The following C11orf65 variants were observed in gnomAD, a reference collection of about 807,000 sequenced individuals.
C11orf65 encodes the protein protein MFI.
Under a neutral mutation model 35.3 loss-of-function variants are expected in C11orf65, and 38 were observed. The ratio of observed to expected loss-of-function variants is 1.08; its 90% confidence interval spans 0.83 to 1.41. The LOEUF (loss-of-function observed/expected upper bound fraction) is 1.41, where lower values mean the gene tolerates loss of function less well. Among genes scored for constraint, C11orf65 ranks in the 40% most tolerant of loss-of-function variants. The probability of loss-of-function intolerance (pLI) is 0.00; values close to 1 mark genes in which losing one functional copy is unlikely to be tolerated. For missense variants in C11orf65, 370 were observed against 367.1 expected (o/e 1.01, Z -0.06); for synonymous variants, 105 against 114.4 (o/e 0.92, Z 0.53).
chr11:108,317,304 GT>G lies in C11orf65; in HGVS notation c.641-8234del, dbSNP rs939856120. 6 of 1,517,086 alleles carry G rather than the reference GT, an allele frequency of 4.0e-6. No homozygotes were observed. The South Asian group carries it at 5.7e-5, about 15-fold the overall frequency. 94.0% of individuals were successfully genotyped at this position (1,517,086 alleles called of 1,614,324 possible). A position where few individuals can be genotyped will look rare whatever the true frequency, so the allele number is the denominator to read the frequency against. On this transcript the variant is annotated intron_variant, in intron 6 of 6. Coordinates refer to the C11orf65 transcript ENST00000525729. Reference sequence around the variant, plus strand: ...GTCTAAGTTAATTTGTATCTTTGCTGTTTTTTTCTCTGGTTTTCTGTTGATA... The same window carrying G: ...GTCTAAGTTAATTTGTATCTTTGCTGTTTTTTCTCTGGTTTTCTGTTGATA...
At chr11:108,366,735 C>CATCT in intron 2 of C11orf65, 1 of 231,190 alleles carries the variant, frequency 4.3e-6, no homozygotes, top group Non-Finnish European at 8.6e-6. Context: ...ACTTCCTCCT[C>CATCT]ATCTCCTTGT....
At chr11:108,360,208 A>C (rs1486951566) in intron 2 of C11orf65, among the ~76,000 whole-genome samples, 7 of 150,456 alleles carry the variant, frequency 4.7e-5, no homozygotes, top group Non-Finnish European at 8.9e-5. Flanking sequence ...GAAATGGATA[A>C]ATTCCTCGAC....
At chr11:108,361,839 A>AT (rs2090802342) in intron 2 of C11orf65, among the ~76,000 whole-genome samples, 1 of 152,104 alleles carries the variant, frequency 6.6e-6, no homozygotes, top group Non-Finnish European at 1.5e-5. Flanking sequence ...TAATACCATA[A>AT]AAACCCTAGA....
chr11:108,383,248 G>A, intron 8 of C11orf65, 73 bp from the exon 9 acceptor site: 1 of 1,267,272 alleles, frequency 7.9e-7, no homozygotes, highest in Non-Finnish European at 1.1e-6. Context: ...CTACTGTGTT[G>A]TGGTCTGTTC....
chr11:108,373,425 G>A (rs977286891), intron 2 of C11orf65, among the ~76,000 whole-genome samples: 1 of 152,202 alleles, frequency 6.6e-6, no homozygotes, highest in Admixed American at 6.5e-5. Flanking sequence ...TCAGGAACAA[G>A]GCAAGGATGC....
chr11:108,312,094 T>G (rs2084212202), intron 6 of C11orf65, among the ~76,000 whole-genome samples: 1 of 152,182 alleles, frequency 6.6e-6, no homozygotes, highest in Admixed American at 6.5e-5. Flanking sequence ...GAATTTCAGG[T>G]GAAACCACTG....
intron 2 of C11orf65, among the ~76,000 whole-genome samples, chr11:108,357,025 C>G (rs1297226108): frequency 6.6e-6 from 1 of 152,210 alleles, no homozygotes; most frequent in African/African-American, 2.4e-5. Flanking sequence ...GCATTTCCAT[C>G]TGAGGTACCA....
chr11:108,447,640 T>C (rs2093282897), intron 2 of C11orf65, among the ~76,000 whole-genome samples: 1 of 151,628 alleles, frequency 6.6e-6, no homozygotes, highest in South Asian at 2.1e-4. Flanking sequence ...AAGCAGTGTG[T>C]AGAGGGAAAT....
chr11:108,427,847 T>TC (rs1370595355), intron 3 of C11orf65, among the ~76,000 whole-genome samples: 1 of 115,226 alleles, frequency 8.7e-6, no homozygotes, highest in Non-Finnish European at 1.9e-5. Context: ...TTTTTTTTTT[T>TC]TGAGACAGAG....
At position 108,333,955 on chromosome 11, in the gene C11orf65, C is replaced by A. The variant is rs730881384; in HGVS notation, c.299+1265G>T. Reference sequence around the variant, plus strand: ...AATTTAGAAGATGTTGTTGTCCCTACTATGGAAATTAAGGTAATTTGCAAT... The same window carrying A: ...AATTTAGAAGATGTTGTTGTCCCTAATATGGAAATTAAGGTAATTTGCAAT... On this transcript the variant is annotated intron_variant, in intron 3 of 3. Coordinates refer to the C11orf65 transcript ENST00000524755. 2 of 1,609,208 alleles carry A rather than the reference C, an allele frequency of 1.2e-6. No individual in the cohort carries two copies. The highest frequency in any genetic ancestry group is 2.7e-5 in the African/African-American group (2 of 74,768).
chr11:108,400,712 C>T (rs951416657), intron 6 of C11orf65, among the ~76,000 whole-genome samples: 2 of 152,178 alleles, frequency 1.3e-5, no homozygotes, highest in Admixed American at 6.5e-5. Flanking sequence ...TTCAAAGTTC[C>T]ATTAGTCCCA....
Position 108,347,391 on chromosome 11 carries a change from T to A in C11orf65, c.227-12099A>T, listed in dbSNP as rs1257082291. ...GTAAGTAATAAAATCTATGTATCTA[T>A]TCTTTTTAGTAAATATTTGGTCATC... On this transcript the variant is annotated intron_variant, in intron 2 of 3. Transcript: ENST00000524755. The A allele has an allele frequency of 2.0e-6, 3 of 1,506,756 alleles. No homozygotes were observed. In the African/African-American group the frequency reaches 4.1e-5, roughly 21 times the overall value. 93.3% of individuals were successfully genotyped at this position (1,506,756 alleles called of 1,614,324 possible). A position where few individuals can be genotyped will look rare whatever the true frequency, so the allele number is the denominator to read the frequency against.
chr11:108,436,743 T>C (rs2093064819), intron 2 of C11orf65, among the ~76,000 whole-genome samples: 1 of 152,124 alleles, frequency 6.6e-6, no homozygotes, highest in African/African-American at 2.4e-5. Flanking sequence ...CACAATACTT[T>C]CAGAGTAGAA....
rs572075399 is a variant in C11orf65, at chr11:108,446,107, A to C, written c.82-14269T>G. On this transcript the variant is annotated intron_variant, in intron 2 of 8. Transcript: ENST00000393084. ...AAAAAGAATAAAAAGAAACGAACAAAGCCTCCAAGAAATATGGGACTACGT... is the reference window on the plus strand; with the variant it reads ...AAAAAGAATAAAAAGAAACGAACAACGCCTCCAAGAAATATGGGACTACGT... Among the ~76,000 whole-genome samples the C allele has an allele frequency of 4.6e-5, 7 of 152,260 alleles. 1 individual carries two copies. In the South Asian group the frequency reaches 1.2e-3, roughly 27 times the overall value.
At chr11:108,394,308 G>A (rs1286064477) in intron 6 of C11orf65, among the ~76,000 whole-genome samples, 1 of 151,958 alleles carries the variant, frequency 6.6e-6, no homozygotes, top group African/African-American at 2.4e-5. Context: ...GCTCAAGCCT[G>A]TAATCCCAAC....
chr11:108,431,034 T>G (rs1336354910), intron 3 of C11orf65, among the ~76,000 whole-genome samples: 1 of 152,000 alleles, frequency 6.6e-6, no homozygotes, highest in African/African-American at 2.4e-5. Context: ...TTGGTGAGAA[T>G]GTAAAGCACT....
In C11orf65 at chr11:108,450,019, A is replaced by G. The variant is rs1424869239; in HGVS notation, c.81+11460T>C. 4.6e-5 allele frequency among the ~76,000 whole-genome samples: 7 copies of G among 152,132 alleles called. No individual in the cohort carries two copies. In the East Asian group the frequency reaches 7.7e-4, roughly 17 times the overall value. On this transcript the variant is annotated intron_variant, in intron 2 of 8. Coordinates refer to ENST00000393084, the MANE Select transcript of C11orf65 (RefSeq NM_152587.5). ...AAAGAAGACATTTATGCAGCCAAAAAACACATGAAAAAATGCTCATCATCA... is the reference window on the plus strand; with the variant it reads ...AAAGAAGACATTTATGCAGCCAAAAGACACATGAAAAAATGCTCATCATCA...
chr11:108,453,616 A>C (rs1024023159), intron 2 of C11orf65, among the ~76,000 whole-genome samples: 67 of 152,212 alleles, frequency 4.4e-4, no homozygotes, highest in Admixed American at 4.3e-3. Context: ...TATAAAATAA[A>C]ATGTTCTTTC....
chr11:108,329,426 A>C, downstream of C11orf65: 1 of 590,964 alleles, frequency 1.7e-6, no homozygotes, highest in East Asian at 3.0e-5. Flanking sequence ...TTTTTTTTTG[A>C]GACAAGGTCT....
Sources: allele counts gnomAD v4.1 joint callset (sites outside exome capture counted in the v4.1 genomes callset), GRCh38; gene constraint gnomAD v4.1.1; transcripts MANE v1.5; gene names NCBI Gene and HGNC (gene_info 2026-07-23, HGNC 2026-07-21).